Variants in MCC observed in about 807,000 individuals in gnomAD.
MCC encodes the protein colorectal mutant cancer protein.
MCC carries 90 observed loss-of-function variants against 116.2 expected under a neutral mutation model. The observed-to-expected ratio is 0.77, with a 90% confidence interval of 0.65 to 0.92. The LOEUF (loss-of-function observed/expected upper bound fraction) is 0.92, where lower values mean the gene tolerates loss of function less well. Among genes scored for constraint, MCC ranks in the 40% least tolerant of loss-of-function variants. MCC has a pLI of 0.00. For missense variants in MCC, 1,516 were observed against 1,312.2 expected (o/e 1.16, Z -2.40); for synonymous variants, 578 against 510.5 (o/e 1.13, Z -1.78).
At chr5:113,061,042 T>C (rs772035341) in intron 14 of MCC, among the ~76,000 whole-genome samples, 2 of 152,222 alleles carry the variant, frequency 1.3e-5, no homozygotes, top group African/African-American at 2.4e-5. Flanking sequence ...TCTGCCCCAA[T>C]GAAACTTTAC....
intron 3 of MCC, among the ~76,000 whole-genome samples, chr5:113,276,387 G>T (rs1765826085): frequency 6.6e-6 from 1 of 152,092 alleles, no homozygotes; most frequent in Non-Finnish European, 1.5e-5. Context: ...AGGTACCCTT[G>T]TTTTTTCTTC....
At chr5:113,030,932 T>C (rs1750911806) in intron 17 of MCC, among the ~76,000 whole-genome samples, 1 of 152,220 alleles carries the variant, frequency 6.6e-6, no homozygotes, top group Non-Finnish European at 1.5e-5. Context: ...TTTTGTATAT[T>C]TTCTGTAAAG....
At chr5:113,046,707 A>AAAAAAAAAAAAAAAAAAAAAAAT (rs1561750067) in intron 16 of MCC, among the ~76,000 whole-genome samples, 1 of 140,714 alleles carries the variant, frequency 7.1e-6, no homozygotes, top group Non-Finnish European at 1.5e-5. Context: ...AAAAAAAAAA[A>AAAAAAAAAAAAAAAAAAAAAAAT]AAAAGAGAGA....
intron 2 of MCC, among the ~76,000 whole-genome samples, chr5:113,372,498 G>A (rs921669153): frequency 6.6e-6 from 1 of 152,080 alleles, no homozygotes; most frequent in African/African-American, 2.4e-5. Context: ...TTTCTTAGAA[G>A]TTTAAAAAAT....
intron 11 of MCC, among the ~76,000 whole-genome samples, chr5:113,080,074 A>G (rs1395023295): frequency 2.0e-5 from 3 of 152,238 alleles, no homozygotes; most frequent in African/African-American, 4.8e-5. Flanking sequence ...ACTGGCCATC[A>G]GAGAAATGCA....
At position 113,464,537 on chromosome 5, in the gene MCC, C is replaced by A. The variant is rs185325876; in HGVS notation, c.170+23708G>T. On this transcript the variant is annotated intron_variant, in intron 1 of 18. Transcript: ENST00000408903. ...ATTTAATATTAAAATTAGCCTCTCA[C>A]CCCTGAACTCCCTTCACTATTCCCT... Among the ~76,000 whole-genome samples the A allele has an allele frequency of 1.9e-3, 284 of 152,288 alleles. 3 individuals carry two copies. The South Asian group carries it at 0.021, about 11-fold the overall frequency.
At chr5:113,261,669 T>G (rs562738497) in intron 3 of MCC, among the ~76,000 whole-genome samples, 1 of 152,290 alleles carries the variant, frequency 6.6e-6, no homozygotes, top group South Asian at 2.1e-4. Flanking sequence ...TCAGTTTAAC[T>G]GACACAAACA....
intron 1 of MCC, among the ~76,000 whole-genome samples, chr5:113,470,874 C>T (rs1377945676): frequency 6.6e-6 from 1 of 152,096 alleles, no homozygotes; most frequent in Non-Finnish European, 1.5e-5. Context: ...AGACTTTGTT[C>T]GTTTCTTTTT....
At chr5:113,115,675 G>A (rs923287682) in intron 6 of MCC, among the ~76,000 whole-genome samples, 5 of 151,922 alleles carry the variant, frequency 3.3e-5, no homozygotes, top group East Asian at 1.9e-4. Context: ...GAAAAGTTCC[G>A]TCAGTGGTTT....
intron 15 of MCC, among the ~76,000 whole-genome samples, 188 bp downstream of exon 15, chr5:113,053,537 C>G (rs1752618399): frequency 6.6e-6 from 1 of 152,156 alleles, no homozygotes; most frequent in South Asian, 2.1e-4. Context: ...ATTCAACTCC[C>G]CTGTCCAGAA....
intron 8 of MCC, among the ~76,000 whole-genome samples, chr5:113,089,741 G>A (rs574095107): frequency 6.6e-6 from 1 of 152,310 alleles, no homozygotes; most frequent in East Asian, 1.9e-4. Flanking sequence ...CTAAATGGTT[G>A]TATGTGGCTA....
At chr5:113,334,871 G>A (rs896112688) in intron 3 of MCC, among the ~76,000 whole-genome samples, 1 of 151,510 alleles carries the variant, frequency 6.6e-6, no homozygotes, top group Non-Finnish European at 1.5e-5. Flanking sequence ...CATTACAGGC[G>A]TGAGCCACCG....
intron 17 of MCC, among the ~76,000 whole-genome samples, chr5:113,042,778 TA>T (rs570675112): frequency 1.7e-3 from 252 of 150,840 alleles, no homozygotes; most frequent in Middle Eastern, 3.5e-3. Context: ...AAAACTTGGT[TA>T]AAAAAAAATT....
Position 113,092,836 on chromosome 5 carries a change from C to T in MCC, c.1399-7526G>A, listed in dbSNP as rs147047014. Among the ~76,000 whole-genome samples the T allele has an allele frequency of 1.4e-3, 212 of 152,332 alleles. 1 individual carries two copies. Among genetic ancestry groups the T allele is most frequent in the African/African-American group, 4.8e-3 (199 of 41,580 alleles). ...AGACTATACACACTCTGAGACTCAG[C>T]AGTTTCACTCCTGGACATGTGATCC... On this transcript the variant is annotated intron_variant, in intron 8 of 18. Coordinates refer to ENST00000408903, the MANE Select transcript of MCC (RefSeq NM_001085377.2).
intron 11 of MCC, among the ~76,000 whole-genome samples, chr5:113,075,011 G>A (rs1754322350): frequency 6.6e-6 from 1 of 152,352 alleles, no homozygotes; most frequent in African/African-American, 2.4e-5. Context: ...TCTCTGGGGT[G>A]GCTGAGGCCA....
chr5:113,181,442 G>A (rs535856784), intron 3 of MCC, among the ~76,000 whole-genome samples: 1 of 152,312 alleles, frequency 6.6e-6, no homozygotes, highest in East Asian at 1.9e-4. Context: ...AAGACAACAT[G>A]TTATGAACTC....
At chr5:113,442,286 T>C (rs1771064261) in intron 1 of MCC, among the ~76,000 whole-genome samples, 1 of 152,246 alleles carries the variant, frequency 6.6e-6, no homozygotes, top group Non-Finnish European at 1.5e-5. Flanking sequence ...GTTTGTTGGC[T>C]GCATAAATGT....
At chr5:113,308,093 C>T (rs1767034396) in intron 3 of MCC, among the ~76,000 whole-genome samples, 1 of 152,114 alleles carries the variant, frequency 6.6e-6, no homozygotes, top group African/African-American at 2.4e-5. Context: ...CCACCTGAGC[C>T]TCCCCAATAG....
At chr5:113,065,085 G>C (rs775091592) in intron 13 of MCC, among the ~76,000 whole-genome samples, 5 of 152,330 alleles carry the variant, frequency 3.3e-5, no homozygotes, top group Admixed American at 2.0e-4. Context: ...TTTTGGGGCA[G>C]TGAAGCTACT....
Sources: gnomAD v4.1 joint callset for allele counts (sites outside exome capture counted in the v4.1 genomes callset) on GRCh38, gnomAD v4.1.1 for gene constraint, MANE v1.5 for transcripts, NCBI Gene and HGNC (gene_info 2026-07-23, HGNC 2026-07-21) for gene names.